AFAP1L2: variants seen among roughly 807,000 people sequenced by gnomAD.
The protein encoded by AFAP1L2 is actin filament-associated protein 1-like 2.
AFAP1L2 carries 46 observed loss-of-function variants against 99.3 expected under a neutral mutation model. That is an observed-to-expected ratio of 0.46 (90% confidence interval 0.37 to 0.59). The LOEUF is 0.59. Ranked by LOEUF, AFAP1L2 falls within the 20% of genes least tolerant of loss-of-function variation. The pLI is 0.00. For synonymous variants in AFAP1L2, 397 were observed against 419.1 expected, an observed-to-expected ratio of 0.95 and a Z score of 0.64; for missense variants, 959 against 1,034.9, an observed-to-expected ratio of 0.93 and a Z score of 1.01.
At chr10:114,307,978 A>T in intron 9 of AFAP1L2, 69 bp from the exon 10 acceptor site, 1 of 1,401,178 alleles carries the variant, frequency 7.1e-7, no homozygotes. Context: ...AGAGATGGAA[A>T]AAATAGCAAA....
intron 8 of AFAP1L2, among the ~76,000 whole-genome samples, 189 bp downstream of exon 8, chr10:114,310,165 G>C (rs907661367): frequency 3.9e-5 from 6 of 152,198 alleles, no homozygotes; most frequent in Admixed American, 1.3e-4. Context: ...GACTTCAGGT[G>C]ATCCACCTGC....
rs1035031784 is a variant in AFAP1L2 at position 114,295,932 on chromosome 10, T to C, written c.*110A>G. On this transcript the variant is annotated 3_prime_UTR_variant, in exon 19 of 19. Transcript: ENST00000304129. ...TCTCCATTCACAGTACCTCAGTCTT[T>C]GCTTTTTCTTCTAAACAGACTCACC... The C allele has an allele frequency of 1.3e-6, 2 of 1,599,912 alleles. No homozygotes were observed. The highest frequency in any genetic ancestry group is 1.3e-5 in the African/African-American group (1 of 74,486).
chr10:114,287,559 C>T, the AFAP1L2 span, among the ~76,000 whole-genome samples: 1 of 152,104 alleles, frequency 6.6e-6, no homozygotes, highest in Admixed American at 6.5e-5. Flanking sequence ...AGCCCTGATG[C>T]CACCACTCTC....
At chr10:114,334,055 C>T (rs7895405) in intron 2 of AFAP1L2, among the ~76,000 whole-genome samples, 5 of 151,972 alleles carry the variant, frequency 3.3e-5, no homozygotes, top group African/African-American at 1.2e-4. Flanking sequence ...GATGGGTGAA[C>T]GGGGACCTGA....
chr10:114,293,749 A>G (rs2039817267), downstream of AFAP1L2, among the ~76,000 whole-genome samples: 1 of 152,196 alleles, frequency 6.6e-6, no homozygotes, highest in South Asian at 2.1e-4. Context: ...TGAATACCCT[A>G]GTTCTAATAA....
intron 1 of AFAP1L2, among the ~76,000 whole-genome samples, chr10:114,399,820 A>G (rs1458843567): frequency 6.6e-6 from 1 of 152,142 alleles, no homozygotes; most frequent in Admixed American, 6.5e-5. Flanking sequence ...ACCCACCCAC[A>G]TTCCCTCCCT....
intron 2 of AFAP1L2, among the ~76,000 whole-genome samples, chr10:114,333,776 A>C (rs1214946217): frequency 6.6e-6 from 1 of 152,182 alleles, no homozygotes; most frequent in Non-Finnish European, 1.5e-5. Context: ...GCACCACTGC[A>C]CTCCAGCCTG....
intron 1 of AFAP1L2, among the ~76,000 whole-genome samples, chr10:114,363,504 G>A (rs1358512419): frequency 6.6e-6 from 1 of 152,198 alleles, no homozygotes; most frequent in Non-Finnish European, 1.5e-5. Context: ...ACTGGGCTGG[G>A]CACTTGTGTA....
chr10:114,349,467 T>C (rs1412018664), intron 1 of AFAP1L2, among the ~76,000 whole-genome samples: 2 of 147,722 alleles, frequency 1.4e-5, no homozygotes, highest in African/African-American at 5.0e-5. Flanking sequence ...CATGCACCTG[T>C]AGTCCCAGCT....
At chr10:114,306,309 G>A (rs1286165190) in intron 10 of AFAP1L2, among the ~76,000 whole-genome samples, 2 of 146,882 alleles carry the variant, frequency 1.4e-5, no homozygotes, top group Non-Finnish European at 3.0e-5. Flanking sequence ...AGGAGGGGAC[G>A]CAGATCCAGG....
Position 114,391,941 on chromosome 10 carries a change from G to A in AFAP1L2, c.16+12499C>T, listed in dbSNP as rs189870629. On this transcript the variant is annotated intron_variant, in intron 1 of 18. Coordinates refer to ENST00000304129, the MANE Select transcript of AFAP1L2 (RefSeq NM_001001936.3). ...TTTCTCCAGAGCAGTACAAGGAACA[G>A]CACACCTCCTTACTCTCCCCACAGC... is the stretch of plus-strand genomic sequence containing the variant. Among the ~76,000 whole-genome samples, 250 of 152,296 alleles carry A rather than the reference G, an allele frequency of 1.6e-3. 1 individual carries two copies. The highest frequency in any genetic ancestry group is 5.7e-3 in the African/African-American group (238 of 41,546).
intron 1 of AFAP1L2, among the ~76,000 whole-genome samples, chr10:114,366,609 T>C (rs2053289907): frequency 6.6e-6 from 1 of 152,242 alleles, no homozygotes; most frequent in Non-Finnish European, 1.5e-5. Context: ...GTTATTCTTA[T>C]CTGATAAGAA....
At chr10:114,289,641 A>AT in the AFAP1L2 span, 4 of 823,968 alleles carry the variant, frequency 4.9e-6, no homozygotes, top group African/African-American at 6.8e-5. Context: ...CCATGCTCAC[A>AT]TAAAATCCTA....
At chr10:114,319,565 A>G in intron 5 of AFAP1L2, 2 of 1,289,638 alleles carry the variant, frequency 1.6e-6, no homozygotes, top group Non-Finnish European at 2.0e-6. Context: ...GCAGTACCCA[A>G]GGTGATCGTG....
At chr10:114,384,398 T>C (rs1454256687) in intron 1 of AFAP1L2, among the ~76,000 whole-genome samples, 1 of 151,484 alleles carries the variant, frequency 6.6e-6, no homozygotes, top group Non-Finnish European at 1.5e-5. Context: ...GGGCCATTGT[T>C]CCCCCCACAC....
At position 114,348,046 on chromosome 10, in the gene AFAP1L2, T is replaced by C. The variant is rs79881955; in HGVS notation, c.17-7315A>G. 4.2e-3 allele frequency among the ~76,000 whole-genome samples: 636 copies of C among 152,284 alleles called. 2 individuals carry two copies. The highest frequency in any genetic ancestry group is 0.015 in the African/African-American group (609 of 41,570). ...CAGTGGATTTGCCTATTCTGGGTAT[T>C]GCATATACATTTTGCATCTGGCTTC... is the stretch of plus-strand genomic sequence containing the variant. On this transcript the variant is annotated intron_variant, in intron 1 of 18. Transcript: ENST00000304129.
At chr10:114,370,334 G>A (rs1435965005) in intron 1 of AFAP1L2, among the ~76,000 whole-genome samples, 4 of 152,162 alleles carry the variant, frequency 2.6e-5, no homozygotes, top group South Asian at 4.1e-4. Context: ...AGCTATTTTC[G>A]TGGTTGCTAA....
At chr10:114,389,300 G>C (rs1486775956) in intron 1 of AFAP1L2, among the ~76,000 whole-genome samples, 2 of 152,184 alleles carry the variant, frequency 1.3e-5, no homozygotes, top group African/African-American at 4.8e-5. Context: ...AGTAGAAATA[G>C]AGATGATGGA....
chr10:114,346,265 GCT>G (rs966925463), intron 1 of AFAP1L2, among the ~76,000 whole-genome samples: 1 of 152,148 alleles, frequency 6.6e-6, no homozygotes, highest in African/African-American at 2.4e-5. Context: ...GCGGCACTCA[GCT>G]CTCTTGCTGG....
Sources: allele counts gnomAD v4.1 joint callset (sites outside exome capture counted in the v4.1 genomes callset), GRCh38; gene constraint gnomAD v4.1.1; transcripts MANE v1.5; gene names NCBI Gene and HGNC (gene_info 2026-07-23, HGNC 2026-07-21).